NPY2R: variants seen among roughly 807,000 people sequenced by gnomAD.
The protein encoded by NPY2R is neuropeptide Y receptor type 2.
NPY2R carries 17 observed loss-of-function variants against 22.3 expected under a neutral mutation model. The observed-to-expected ratio is 0.76, with a 90% confidence interval of 0.52 to 1.14. NPY2R has a LOEUF of 1.14. Ranked by LOEUF, NPY2R falls within the 50% of genes most tolerant of loss-of-function variation. The pLI is 0.00. For missense variants in NPY2R, 424 were observed against 467.9 expected (o/e 0.91, Z 0.87); for synonymous variants, 209 against 183.4 (o/e 1.14, Z -1.13).
chr4:155,176,873 G>A, the NPY2R span, among the ~76,000 whole-genome samples: 1 of 152,138 alleles, frequency 6.6e-6, no homozygotes, highest in Admixed American at 6.5e-5. Flanking sequence ...ACCTTCACAT[G>A]GCAGAAGGGA....
chr4:155,186,275 C>T, the NPY2R span, among the ~76,000 whole-genome samples: 6 of 152,100 alleles, frequency 3.9e-5, no homozygotes, highest in African/African-American at 1.4e-4. Flanking sequence ...TTTAGTTTAA[C>T]ACAGCTTTAT....
upstream of NPY2R, among the ~76,000 whole-genome samples, chr4:155,205,139 T>G (rs1729255903): frequency 6.6e-6 from 1 of 152,150 alleles, no homozygotes; most frequent in African/African-American, 2.4e-5. Context: ...TCAATAAAAT[T>G]TAAAATTTCA....
chr4:155,199,410 G>A, the NPY2R span, among the ~76,000 whole-genome samples: 1 of 151,864 alleles, frequency 6.6e-6, no homozygotes, highest in African/African-American at 2.4e-5. Flanking sequence ...CAGATAGAAA[G>A]AATCAATATT....
rs1729526020 is a variant in NPY2R, at chr4:155,216,779, A to C, written c.*1694A>C. 2.4e-5 allele frequency: 4 copies of C among 166,978 alleles called. No individual in the cohort carries two copies. Among genetic ancestry groups the C allele is most frequent in the Non-Finnish European group, 1.5e-5 (1 of 68,072 alleles). 10.3% of individuals were successfully genotyped at this position (166,978 alleles called of 1,614,324 possible). A position where few individuals can be genotyped will look rare whatever the true frequency, so the allele number is the denominator to read the frequency against. On this transcript the variant is annotated 3_prime_UTR_variant, in exon 2 of 2. Transcript: ENST00000329476. Reference sequence around the variant, plus strand: ...TCTGTAATATATAATCAAATGATTCATTTTTCTGTTAGACTAGGCAAATTG... The same window carrying C: ...TCTGTAATATATAATCAAATGATTCCTTTTTCTGTTAGACTAGGCAAATTG...
chr4:155,208,132 C>T (rs1252047040), upstream of NPY2R: 1 of 152,266 alleles, frequency 6.6e-6, no homozygotes, highest in African/African-American at 2.4e-5. The surrounding 1 kb of genome is among the most constrained non-coding windows in gnomAD (Gnocchi z 5.6). Context: ...ATCCTGCTGG[C>T]GCTTTTCCGG....
chr4:155,198,415 T>C, the NPY2R span, among the ~76,000 whole-genome samples: 2 of 148,314 alleles, frequency 1.3e-5, no homozygotes, highest in East Asian at 2.0e-4. Context: ...TATATATATG[T>C]ATATAAAATA....
upstream of NPY2R, among the ~76,000 whole-genome samples, chr4:155,204,927 A>T (rs775794969): frequency 1.3e-5 from 2 of 151,832 alleles, no homozygotes; most frequent in Admixed American, 6.6e-5. Context: ...AAATCCTTGC[A>T]TATTCATGTC....
the NPY2R span, among the ~76,000 whole-genome samples, chr4:155,181,324 T>C: frequency 6.6e-6 from 1 of 152,160 alleles, no homozygotes; most frequent in Admixed American, 6.6e-5. Context: ...CCCTCACACA[T>C]TTCTGAAGCA....
the NPY2R span, among the ~76,000 whole-genome samples, chr4:155,198,761 G>A: frequency 6.6e-6 from 1 of 151,502 alleles, no homozygotes; most frequent in Admixed American, 6.6e-5. Context: ...CATAGCAAGT[G>A]AACCACATGT....
chr4:155,207,986 A>G (rs755058016), upstream of NPY2R: 1 of 152,260 alleles, frequency 6.6e-6, no homozygotes, highest in African/African-American at 2.4e-5. Flanking sequence ...TGTTAGGGAA[A>G]TTGCTGATCA....
chr4:155,203,426 C>T, the NPY2R span, among the ~76,000 whole-genome samples: 3 of 152,154 alleles, frequency 2.0e-5, no homozygotes, highest in Non-Finnish European at 2.9e-5. Context: ...AATTTTTCAT[C>T]AGAACAAACT....
chr4:155,207,093 G>A (rs1366829575), upstream of NPY2R: 1 of 152,070 alleles, frequency 6.6e-6, no homozygotes, highest in African/African-American at 2.4e-5. Flanking sequence ...AAAAGCCCAG[G>A]CTGCTTTGTT....
upstream of NPY2R, chr4:155,207,997 T>C (rs1031588276): frequency 1.6e-4 from 24 of 152,294 alleles, no homozygotes; most frequent in African/African-American, 5.3e-4. Context: ...TTGCTGATCA[T>C]GGGCAGCAGG....
the NPY2R span, among the ~76,000 whole-genome samples, chr4:155,198,474 G>A: frequency 0.025 from 3,268 of 132,454 alleles, 111 homozygotes; most frequent in African/African-American, 0.084. Flanking sequence ...TAAGTAATAT[G>A]CCTATGATAT....
the NPY2R span, among the ~76,000 whole-genome samples, chr4:155,192,033 G>A: frequency 5.3e-5 from 8 of 151,746 alleles, no homozygotes; most frequent in Non-Finnish European, 1.2e-4. Flanking sequence ...ATTTTCTGGC[G>A]ATACTTTCAT....
the NPY2R span, among the ~76,000 whole-genome samples, chr4:155,174,815 A>C: frequency 6.6e-6 from 1 of 152,004 alleles, no homozygotes; most frequent in Non-Finnish European, 1.5e-5. Flanking sequence ...ATATTCAGGC[A>C]TTGCCATGAA....
the NPY2R span, among the ~76,000 whole-genome samples, chr4:155,199,236 C>A: frequency 6.6e-6 from 1 of 151,902 alleles, no homozygotes; most frequent in Non-Finnish European, 1.5e-5. Flanking sequence ...TGGAAAATTG[C>A]TCTTTAATGT....
chr4:155,214,331 G>T lies in NPY2R; in HGVS notation c.392G>T (p.Gly131Val). Residue 131 changes from glycine to valine, a missense_variant, in exon 2 of 2, where the codon GGC becomes GTC. By Grantham distance (109) the Gly-to-Val change is moderately radical. Transcript: ENST00000329476. ...VLCHLVPYAQ[G>V]LAVQVSTITL... ...TGCCACCTGGTGCCCTATGCCCAGG[G>T]CCTGGCAGTACAAGTATCCACAATC... is the stretch of plus-strand genomic sequence containing the variant. 6.2e-7 allele frequency: 1 copy of T among 1,614,114 alleles called. No homozygotes were observed. Among genetic ancestry groups the T allele is most frequent in the Non-Finnish European group, 8.5e-7 (1 of 1,180,022 alleles).
At chr4:155,176,920 C>T in the NPY2R span, among the ~76,000 whole-genome samples, 2 of 152,166 alleles carry the variant, frequency 1.3e-5, no homozygotes, top group Admixed American at 6.5e-5. Context: ...GTTCCCATGG[C>T]GGAAGAGCAG....
Sources: allele counts gnomAD v4.1 joint callset (sites outside exome capture counted in the v4.1 genomes callset), GRCh38; gene constraint gnomAD v4.1.1; non-coding constraint Gnocchi (gnomAD v3.1); transcripts MANE v1.5; gene names NCBI Gene and HGNC (gene_info 2026-07-23, HGNC 2026-07-21).